OSBPL3: variants seen among roughly 807,000 people sequenced by gnomAD.
OSBPL3 encodes the protein oxysterol-binding protein-related protein 3.
In OSBPL3, 65 loss-of-function variants were observed where a neutral mutation model predicts 120.1. The ratio of observed to expected loss-of-function variants is 0.54; its 90% CI spans 0.44 to 0.67. The LOEUF (loss-of-function observed/expected upper bound fraction) is 0.67, where lower values mean the gene tolerates loss of function less well. OSBPL3 is among the 30% of genes least tolerant of loss of function. The pLI is 0.00. For synonymous variants in OSBPL3, 416 were observed against 402.6 expected, an observed-to-expected ratio of 1.03 and a Z score of -0.40; for missense variants, 1,004 against 1,082.1, an observed-to-expected ratio of 0.93 and a Z score of 1.01.
At position 24,946,999 on chromosome 7, in the gene OSBPL3, G is replaced by GCT. The variant is rs1396653658; in HGVS notation, c.-150+32885_-150+32886dup. Among the ~76,000 whole-genome samples the GCT allele has an allele frequency of 6.6e-6, 1 of 152,114 alleles. No homozygotes were observed. Among genetic ancestry groups the GCT allele is most frequent in the Non-Finnish European group, 1.5e-5 (1 of 68,018 alleles). On this transcript the variant is annotated intron_variant, in intron 1 of 22. Transcript: ENST00000313367. This position sits in a 1 kb window ranked among gnomAD's most constrained non-coding sequence, Gnocchi z 4.3. ...AGCATTATTGTTCATTATTCTTGCC[G>GCT]CTTTCATGTCTTTAAATTGTACAAC... is the stretch of plus-strand genomic sequence containing the variant.
chr7:24,840,304 C>T (rs1797579815), intron 14 of OSBPL3, among the ~76,000 whole-genome samples: 1 of 152,086 alleles, frequency 6.6e-6, no homozygotes, highest in Non-Finnish European at 1.5e-5. Context: ...CCTCTGCTAC[C>T]CTTGAGATAG....
At position 24,870,801 on chromosome 7, in the gene OSBPL3, T is replaced by A; in HGVS notation, c.312A>T (p.Ser104=). 3 of 1,613,910 alleles carry A rather than the reference T, an allele frequency of 1.9e-6. No homozygotes were observed. Among genetic ancestry groups the A allele is most frequent in the Non-Finnish European group, 8.5e-7 (1 of 1,179,744 alleles). ...KLHGCIDVGL[S]VMSVKKSSKC... Reference sequence around the variant, plus strand: ...TTGATGACTTCTTTACAGACATCACTGAGAGCCCGACATCAATGCAGCCAT... The same window carrying A: ...TTGATGACTTCTTTACAGACATCACAGAGAGCCCGACATCAATGCAGCCAT... The change falls in exon 5 of 23, where the codon TCA becomes TCT. Residue 104 remains serine, a synonymous_variant. Coordinates refer to ENST00000313367, the MANE Select transcript of OSBPL3 (RefSeq NM_015550.4).
At position 24,937,443 on chromosome 7, in the gene OSBPL3, T is replaced by C. The variant is rs1812558798; in HGVS notation, c.-150+42443A>G. On this transcript the variant is annotated intron_variant, in intron 1 of 22. Transcript: ENST00000313367. This position sits in a 1 kb window ranked among gnomAD's most constrained non-coding sequence, Gnocchi z 4.0. ...AATTTGACTTTTATGTTCAACATTA[T>C]TCTTGAGGTTTACCCATAAGGATAC... is the stretch of plus-strand genomic sequence containing the variant. Among the ~76,000 whole-genome samples the C allele has an allele frequency of 6.6e-6, 1 of 152,236 alleles. No individual in the cohort carries two copies. The highest frequency in any genetic ancestry group is 2.4e-5 in the African/African-American group (1 of 41,464).
chr7:24,820,443 A>AG lies in OSBPL3; in HGVS notation c.1885-206dup, dbSNP rs1368774038. 1.3e-5 allele frequency among the ~76,000 whole-genome samples: 2 copies of AG among 152,118 alleles called. No homozygotes were observed. Among genetic ancestry groups the AG allele is most frequent in the African/African-American group, 4.8e-5 (2 of 41,424 alleles). ...CACTTGCTCAGATTGGTCAAGGCTG[A>AG]GGGGAAGGCCCTTGAACGGAAGCCT... is the stretch of plus-strand genomic sequence containing the variant. On this transcript the variant is annotated intron_variant, in intron 16 of 22. Coordinates refer to ENST00000313367, the MANE Select transcript of OSBPL3 (RefSeq NM_015550.4). This position sits in a 1 kb window ranked among gnomAD's most constrained non-coding sequence, Gnocchi z 4.6.
chr7:24,813,414 G>A lies in OSBPL3; in HGVS notation c.2172+1645C>T, dbSNP rs1268331426. Among the ~76,000 whole-genome samples the A allele has an allele frequency of 1.3e-5, 2 of 152,168 alleles. No individual in the cohort carries two copies. The highest frequency in any genetic ancestry group is 2.9e-5 in the Non-Finnish European group (2 of 68,030). ...GAGAACAAGGTAGGTGGTAGATATG[G>A]GAGTGGAGCATGTTTCCTTGCAGAA... On this transcript the variant is annotated intron_variant, in intron 19 of 22. Transcript: ENST00000313367. The surrounding 1 kb of genome is among the most constrained non-coding windows in gnomAD (Gnocchi z 4.5).
chr7:24,979,750 C>CT (rs1000170456), intron 1 of OSBPL3, 136 bp downstream of exon 1: 15 of 386,856 alleles, frequency 3.9e-5, no homozygotes, highest in African/African-American at 1.3e-4. Flanking sequence ...GGGCCGGAGC[C>CT]TCCCCGGGCG....
chr7:24,865,249 T>C (rs2040689), intron 7 of OSBPL3, 93 bp downstream of exon 7: 2 of 1,333,728 alleles, frequency 1.5e-6, no homozygotes, highest in Non-Finnish European at 2.1e-6. Flanking sequence ...TGGACAAGCA[T>C]AGGGGAAGGA....
chr7:24,886,217 AG>A (rs1295807818), intron 2 of OSBPL3, among the ~76,000 whole-genome samples: 1 of 152,208 alleles, frequency 6.6e-6, no homozygotes, highest in Non-Finnish European at 1.5e-5. Context: ...CAAATTTCGC[AG>A]CTAAAAAGCT....
In OSBPL3 at chr7:24,899,573, G is replaced by A. The variant is rs368559705; in HGVS notation, c.-149-6952C>T. ...GGTCACTGGCTGACTTCTTTGTTAC[G>A]GCATACATAGATTGCACAGGCATAT... On this transcript the variant is annotated intron_variant, in intron 1 of 22. Coordinates refer to ENST00000313367, the MANE Select transcript of OSBPL3 (RefSeq NM_015550.4). The surrounding 1 kb of genome is among the most constrained non-coding windows in gnomAD (Gnocchi z 4.0). 1.3e-4 allele frequency among the ~76,000 whole-genome samples: 20 copies of A among 151,892 alleles called. 1 individual carries two copies. The highest frequency in any genetic ancestry group is 6.3e-4 in the South Asian group (3 of 4,796).
rs76556761 is a variant in OSBPL3, at chr7:24,918,997, T to G, written c.-149-26376A>C. ...AATTACCCTTTGATTTGGTAGAGTT[T>G]CATTTTATAGTTAAGAAACAGAGCC... On this transcript the variant is annotated intron_variant, in intron 1 of 22. Transcript: ENST00000313367. The surrounding 1 kb of genome is among the most constrained non-coding windows in gnomAD (Gnocchi z 4.3). 0.035 allele frequency among the ~76,000 whole-genome samples: 5,326 copies of G among 152,294 alleles called. 120 individuals carry two copies. Among genetic ancestry groups the G allele is most frequent in the Non-Finnish European group, 0.055 (3,713 of 68,002 alleles).
chr7:24,843,440 A>G (rs770849183), intron 12 of OSBPL3, among the ~76,000 whole-genome samples: 10 of 152,202 alleles, frequency 6.6e-5, no homozygotes, highest in Non-Finnish European at 1.2e-4. Flanking sequence ...TTGCTTCCAC[A>G]TCATCCAGAA....
At chr7:24,823,575 C>A (rs1430948010) in intron 16 of OSBPL3, among the ~76,000 whole-genome samples, 2 of 152,048 alleles carry the variant, frequency 1.3e-5, no homozygotes, top group Non-Finnish European at 2.9e-5. Flanking sequence ...AAAGCCAGGA[C>A]ACATCATTAA....
At chr7:24,976,619 C>G (rs1029700716) in intron 1 of OSBPL3, among the ~76,000 whole-genome samples, 10 of 152,134 alleles carry the variant, frequency 6.6e-5, no homozygotes, top group Admixed American at 5.9e-4. Context: ...GTGCAGAGAA[C>G]CATAAACAAC....
intron 13 of OSBPL3, among the ~76,000 whole-genome samples, 157 bp from the exon 14 acceptor site, chr7:24,840,940 G>A (rs1392307693): frequency 6.6e-6 from 1 of 152,196 alleles, no homozygotes; most frequent in East Asian, 1.9e-4. Context: ...ATCTGCCAAG[G>A]AGGTGTTCAC....
In OSBPL3 at chr7:24,820,285, T is replaced by C. The variant is rs370728557; in HGVS notation, c.1885-47A>G. 16 of 1,414,650 alleles carry C rather than the reference T, an allele frequency of 1.1e-5. No individual in the cohort carries two copies. In the African/African-American group the frequency reaches 2.3e-4, roughly 20 times the overall value. 87.6% of individuals were successfully genotyped at this position (1,414,650 alleles called of 1,614,324 possible). A position where few individuals can be genotyped will look rare whatever the true frequency, so the allele number is the denominator to read the frequency against. ...AAAACAAAAAATGAATGAACTTTTG[T>C]GTCTCATGAAATCCATTCTTTCTCC... On this transcript the variant is annotated intron_variant, in intron 16 of 22. Coordinates refer to ENST00000313367, the MANE Select transcript of OSBPL3 (RefSeq NM_015550.4). This position sits in a 1 kb window ranked among gnomAD's most constrained non-coding sequence, Gnocchi z 4.6.
At chr7:24,924,902 T>C (rs1035483781) in intron 1 of OSBPL3, among the ~76,000 whole-genome samples, 4 of 152,230 alleles carry the variant, frequency 2.6e-5, no homozygotes, top group Non-Finnish European at 4.4e-5. Flanking sequence ...CTTCTTTAGA[T>C]AGAATAAGAG....
rs58522303 is a variant in OSBPL3, at chr7:24,851,733, T to TAA, written c.1158+769_1158+770dup. Among the ~76,000 whole-genome samples, 202 of 143,732 alleles carry TAA rather than the reference T, an allele frequency of 1.4e-3. No homozygotes were observed. The highest frequency in any genetic ancestry group is 3.8e-3 in the East Asian group (19 of 4,978). The allele number at this position is 143,732 out of a possible 152,430, so 94.3% of individuals were successfully genotyped here. A position where few individuals can be genotyped will look rare whatever the true frequency, so the allele number is the denominator to read the frequency against. ...CTCTAGCCTCCTGATAGATTCAGGG[T>TAA]AAAAAAAAAAAAACGAGATAACTTT... On this transcript the variant is annotated intron_variant, in intron 11 of 22. Transcript: ENST00000313367. The surrounding 1 kb of genome is among the most constrained non-coding windows in gnomAD (Gnocchi z 4.1).
At chr7:24,838,658 C>G (rs1797312672) in intron 14 of OSBPL3, among the ~76,000 whole-genome samples, 1 of 152,204 alleles carries the variant, frequency 6.6e-6, no homozygotes. Flanking sequence ...GACCTCTGAA[C>G]ATTCCATTAA....
intron 1 of OSBPL3, among the ~76,000 whole-genome samples, chr7:24,895,493 T>C (rs1806008414): frequency 6.6e-6 from 1 of 152,214 alleles, no homozygotes; most frequent in South Asian, 2.1e-4. Context: ...GTCACATTTC[T>C]CACAGTGCTT....
Sources: gnomAD v4.1 joint callset for allele counts (sites outside exome capture counted in the v4.1 genomes callset) on GRCh38, gnomAD v4.1.1 for gene constraint, Gnocchi (gnomAD v3.1) non-coding constraint, MANE v1.5 for transcripts, NCBI Gene and HGNC (gene_info 2026-07-23, HGNC 2026-07-21) for gene names.